MGAT4A: variants seen among roughly 807,000 people sequenced by gnomAD.
MGAT4A encodes alpha-1,3-mannosyl-glycoprotein 4-beta-N-acetylglucosaminyltransferase A, also known as N-acetylglucosaminyltransferase IVa.
Under a neutral mutation model 74.1 loss-of-function variants are expected in MGAT4A, and 33 were observed. The observed-to-expected ratio is 0.45, with a 90% CI of 0.34 to 0.60. MGAT4A has a LOEUF of 0.60. MGAT4A is among the 20% of genes least tolerant of loss of function. The pLI, the probability that MGAT4A is intolerant of heterozygous loss-of-function variation, is 0.02. For missense variants in MGAT4A, 479 were observed against 628.3 expected, an observed-to-expected ratio of 0.76 and a Z score of 2.54; for synonymous variants, 198 against 210.4, an observed-to-expected ratio of 0.94 and a Z score of 0.51.
In MGAT4A at chr2:98,622,868, A is replaced by C. The variant is rs1194779335; in HGVS notation, c.*2698T>G. 10 of 985,656 alleles carry C rather than the reference A, an allele frequency of 1.0e-5. No homozygotes were observed. Among genetic ancestry groups the C allele is most frequent in the African/African-American group, 1.7e-5 (1 of 57,230 alleles). The allele number at this position is 985,656 out of a possible 1,614,324, so 61.1% of individuals were successfully genotyped here. A position where few individuals can be genotyped will look rare whatever the true frequency, so the allele number is the denominator to read the frequency against. ...AGGGAGAGGGAGTTAAGAGAGAGAA[A>C]GGGGGCTGGACATGGTGGCACACAC... On this transcript the variant is annotated 3_prime_UTR_variant, in exon 16 of 16. Coordinates refer to ENST00000393487, the MANE Select transcript of MGAT4A (RefSeq NM_012214.3).
chr2:98,672,345 C>T (rs755880757), intron 4 of MGAT4A, among the ~76,000 whole-genome samples: 1 of 152,190 alleles, frequency 6.6e-6, no homozygotes, highest in African/African-American at 2.4e-5. Flanking sequence ...CCACAAGACT[C>T]GGAACCACAT....
intron 4 of MGAT4A, among the ~76,000 whole-genome samples, chr2:98,671,918 A>G (rs1377400015): frequency 6.8e-5 from 9 of 131,642 alleles, no homozygotes; most frequent in Non-Finnish European, 1.3e-4. Context: ...ATGAAGGAAG[A>G]GGCCACAAAG....
intron 4 of MGAT4A, among the ~76,000 whole-genome samples, chr2:98,673,437 G>T (rs1455506115): frequency 2.6e-5 from 4 of 152,054 alleles, no homozygotes; most frequent in Non-Finnish European, 5.9e-5. Context: ...ATATCCAAAA[G>T]GTCCTGTAAC....
At chr2:98,666,554 A>G (rs890135708) in intron 4 of MGAT4A, among the ~76,000 whole-genome samples, 1 of 152,048 alleles carries the variant, frequency 6.6e-6, no homozygotes, top group Admixed American at 6.5e-5. Context: ...TTAGCTGGGC[A>G]TGGTGGCGCA....
At chr2:98,651,575 T>C (rs1475514329) in intron 8 of MGAT4A, among the ~76,000 whole-genome samples, 1 of 151,238 alleles carries the variant, frequency 6.6e-6, no homozygotes, top group Non-Finnish European at 1.5e-5. Flanking sequence ...CAAAAGGAAA[T>C]AGAAAGGGAA....
At chr2:98,670,180 C>A (rs916248213) in intron 4 of MGAT4A, among the ~76,000 whole-genome samples, 2 of 152,048 alleles carry the variant, frequency 1.3e-5, no homozygotes, top group African/African-American at 4.8e-5. Flanking sequence ...TCATATCATC[C>A]TTTTAGGCAG....
rs140926252 is a variant in MGAT4A at position 98,720,651 on chromosome 2, G to A, written c.94+5588C>T. Reference sequence around the variant, plus strand: ...GTGTGTGTGTGTGTGTGTGTGTTCTGTTTCTCTGATGAACCCTAACTAATA... The same window carrying A: ...GTGTGTGTGTGTGTGTGTGTGTTCTATTTCTCTGATGAACCCTAACTAATA... On this transcript the variant is annotated intron_variant, in intron 2 of 15. Transcript: ENST00000393487. Among the ~76,000 whole-genome samples the A allele has an allele frequency of 7.4e-3, 1,119 of 151,856 alleles. 4 individuals carry two copies. The highest frequency in any genetic ancestry group is 0.013 in the Non-Finnish European group (863 of 67,948).
At chr2:98,632,591 T>A (rs1701257185) in intron 14 of MGAT4A, among the ~76,000 whole-genome samples, 1 of 152,198 alleles carries the variant, frequency 6.6e-6, no homozygotes, top group African/African-American at 2.4e-5. Flanking sequence ...AAGTAAGTCA[T>A]CTCCTCTTTA....
At chr2:98,652,559 C>T (rs1701597188) in intron 8 of MGAT4A, among the ~76,000 whole-genome samples, 1 of 152,122 alleles carries the variant, frequency 6.6e-6, no homozygotes, top group South Asian at 2.1e-4. Flanking sequence ...TCTCGATCTC[C>T]TGACCTTGTG....
intron 4 of MGAT4A, 44 bp from the exon 5 acceptor site, chr2:98,663,223 C>T: frequency 6.5e-7 from 1 of 1,542,228 alleles, no homozygotes; most frequent in Non-Finnish European, 8.8e-7. Flanking sequence ...TGTACAAGGA[C>T]AATACAGAAA....
chr2:98,710,294 C>G (rs1575279280), intron 2 of MGAT4A, among the ~76,000 whole-genome samples: 1 of 152,154 alleles, frequency 6.6e-6, no homozygotes, highest in African/African-American at 2.4e-5. Flanking sequence ...GCAAAGAAAA[C>G]AGCCTAACAT....
At chr2:98,707,695 T>C (rs1158887706) in intron 2 of MGAT4A, among the ~76,000 whole-genome samples, 2 of 152,046 alleles carry the variant, frequency 1.3e-5, no homozygotes, top group African/African-American at 4.8e-5. Flanking sequence ...CTCTAGCGTC[T>C]CCCCAGTGAT....
intron 4 of MGAT4A, among the ~76,000 whole-genome samples, chr2:98,667,004 G>A (rs1559163886): frequency 6.6e-6 from 1 of 152,142 alleles, no homozygotes; most frequent in Admixed American, 6.5e-5. Context: ...ATTGAATCAT[G>A]GGGGCAAATC....
rs148091721 is a variant in MGAT4A at position 98,712,674 on chromosome 2, C to T, written c.94+13565G>A. On this transcript the variant is annotated intron_variant, in intron 2 of 15. Coordinates refer to ENST00000393487, the MANE Select transcript of MGAT4A (RefSeq NM_012214.3). Reference sequence around the variant, plus strand: ...CTGCTGAACTGAAGACGGATTCACACGCCAACCCCTCATCTTGGTTAGAAA... The same window carrying T: ...CTGCTGAACTGAAGACGGATTCACATGCCAACCCCTCATCTTGGTTAGAAA... Among the ~76,000 whole-genome samples the T allele has an allele frequency of 6.8e-3, 1,033 of 152,324 alleles. 10 individuals are homozygous for T. Among genetic ancestry groups the T allele is most frequent in the African/African-American group, 0.024 (981 of 41,566 alleles).
intron 2 of MGAT4A, among the ~76,000 whole-genome samples, chr2:98,718,839 G>C (rs1401322277): frequency 6.6e-6 from 1 of 152,198 alleles, no homozygotes; most frequent in Non-Finnish European, 1.5e-5. Context: ...TTGTAAGGCA[G>C]TGGTTCCACC....
At chr2:98,700,895 A>G (rs2104313898) in intron 2 of MGAT4A, among the ~76,000 whole-genome samples, 1 of 152,168 alleles carries the variant, frequency 6.6e-6, no homozygotes, top group East Asian at 1.9e-4. Context: ...CTGTCTCAAA[A>G]AAAAAAAAAA....
chr2:98,697,046 T>C (rs925470643), intron 2 of MGAT4A, among the ~76,000 whole-genome samples: 1 of 152,212 alleles, frequency 6.6e-6, no homozygotes, highest in African/African-American at 2.4e-5. Context: ...CTTCCTCAGA[T>C]GTAAATGATC....
intron 7 of MGAT4A, chr2:98,656,092 G>A (rs141143399): frequency 7.9e-5 from 30 of 381,176 alleles, no homozygotes; most frequent in Non-Finnish European, 1.4e-4. Context: ...TGAATTCCTG[G>A]TAGCCTACAG....
At chr2:98,720,316 G>T (rs1378809984) in intron 2 of MGAT4A, among the ~76,000 whole-genome samples, 2 of 152,214 alleles carry the variant, frequency 1.3e-5, no homozygotes, top group African/African-American at 4.8e-5. Flanking sequence ...ATGTGGGTGG[G>T]TATCGTCCAA....
Sources: gnomAD v4.1 joint callset for allele counts (sites outside exome capture counted in the v4.1 genomes callset) on GRCh38, gnomAD v4.1.1 for gene constraint, MANE v1.5 for transcripts, NCBI Gene and HGNC (gene_info 2026-07-23, HGNC 2026-07-21) for gene names.